The following PMS1 variants were observed in gnomAD, a reference collection of about 807,000 sequenced individuals.
The protein encoded by PMS1 is PMS1 homolog 1, mismatch repair system component, also known as PMS1 protein homolog 1.
In PMS1, 79 loss-of-function variants were observed where a neutral mutation model predicts 93.1. That is an observed-to-expected ratio of 0.85 (90% CI 0.71 to 1.02). PMS1 has a LOEUF of 1.02. PMS1 is among the 50% of genes least tolerant of loss of function. PMS1 has a pLI of 0.00. For missense variants in PMS1, 1,064 were observed against 1,085.3 expected, an observed-to-expected ratio of 0.98 and a Z score of 0.28; for synonymous variants, 335 against 363.4, an observed-to-expected ratio of 0.92 and a Z score of 0.89.
Position 189,804,797 on chromosome 2 carries a change from T to A in PMS1, c.316-855T>A, listed in dbSNP as rs5743011. 5.6e-3 allele frequency among the ~76,000 whole-genome samples: 849 copies of A among 152,254 alleles called. 23 individuals are homozygous for A. The highest frequency in any genetic ancestry group is 0.039 in the Admixed American group (589 of 15,284). ...TTCGTATAAAGATGGCCAAGAAAGA[T>A]TACTCCCAATTTTGGGTCATCATTG... On this transcript the variant is annotated intron_variant, in intron 3 of 12. Transcript: ENST00000441310.
intron 12 of PMS1, among the ~76,000 whole-genome samples, chr2:189,875,448 C>T (rs1253509863): frequency 1.3e-5 from 2 of 151,802 alleles, no homozygotes; most frequent in Non-Finnish European, 2.9e-5. Context: ...CAGTTGGGGT[C>T]GGAAAAACAT....
intron 3 of PMS1, among the ~76,000 whole-genome samples, chr2:189,799,734 G>T (rs1246930809): frequency 6.6e-6 from 1 of 152,206 alleles, no homozygotes; most frequent in Non-Finnish European, 1.5e-5. Context: ...TCACCCCTGA[G>T]TCTCCATCTG....
chr2:189,807,005 G>T lies in PMS1; in HGVS notation c.418+1251G>T, dbSNP rs547806480. ...AAGTACATTCTGTATATTTTCTGTG[G>T]TTTTTTTCCTTCAGTTTTAATATTA... On this transcript the variant is annotated intron_variant, in intron 4 of 12. Coordinates refer to ENST00000441310, the MANE Select transcript of PMS1 (RefSeq NM_000534.5). 15 of 191,576 alleles carry T rather than the reference G, an allele frequency of 7.8e-5. No homozygotes were observed. The East Asian group carries it at 9.9e-4, about 13-fold the overall frequency. The allele number at this position is 191,576 out of a possible 1,614,324, so 11.9% of individuals were successfully genotyped here. A position where few individuals can be genotyped will look rare whatever the true frequency, so the allele number is the denominator to read the frequency against.
At chr2:189,797,374 C>T (rs576340752) in intron 3 of PMS1, among the ~76,000 whole-genome samples, 1 of 152,352 alleles carries the variant, frequency 6.6e-6, no homozygotes, top group East Asian at 1.9e-4. Context: ...TACGCTGCCT[C>T]TGCCCCAGAT....
chr2:189,847,820 A>AT (rs1261602046), intron 6 of PMS1, among the ~76,000 whole-genome samples: 4 of 150,262 alleles, frequency 2.7e-5, no homozygotes, highest in Admixed American at 6.6e-5. Context: ...CTTCTCTTCC[A>AT]TTTTTTTTCA....
chr2:189,818,020 C>A lies in PMS1; in HGVS notation c.422C>A (p.Thr141Lys). Residue 141 changes from threonine (T) to lysine (K), a missense_variant, in exon 5 of 13, where the codon ACA becomes AAA. By Grantham distance (78) the Thr-to-Lys change is moderately conservative. Coordinates refer to ENST00000441310, the MANE Select transcript of PMS1 (RefSeq NM_000534.5). ...CTTTTCTCTTGTCTGCCAACAGGTA[C>A]AACTGTAACTGCTTTAAGATTATTT... ...SQKPSHLGQG[T>K]TVTALRLFKN... The A allele has an allele frequency of 6.2e-7, 1 of 1,606,982 alleles. No homozygotes were observed. The highest frequency in any genetic ancestry group is 1.1e-5 in the South Asian group (1 of 90,670).
rs2106462752 is a variant in PMS1 at position 189,854,719 on chromosome 2, G to A, written c.1447G>A (p.Glu483Lys). 1 of 1,613,944 alleles carries A rather than the reference G, an allele frequency of 6.2e-7. No individual in the cohort carries two copies. Among genetic ancestry groups the A allele is most frequent in the African/African-American group, 1.3e-5 (1 of 75,038 alleles). ...DHIDESGENE[E>K]EAGLENSSEI... ...TATAGATGAGAGTGGGGAAAATGAG[G>A]AAGAAGCAGGTCTTGAAAACTCTTC... Residue 483 changes from glutamate (E) to lysine (K), a missense_variant, in exon 9 of 13, where the codon GAA (glutamate) becomes AAA (lysine). Coordinates refer to ENST00000441310, the MANE Select transcript of PMS1 (RefSeq NM_000534.5).
intron 4 of PMS1, among the ~76,000 whole-genome samples, chr2:189,809,654 G>A (rs946501030): frequency 1.1e-4 from 17 of 151,782 alleles, no homozygotes; most frequent in African/African-American, 3.9e-4. Context: ...GACCTGCCTG[G>A]CCAACAAGGT....
At chr2:189,874,785 T>C (rs1021210471) in intron 12 of PMS1, among the ~76,000 whole-genome samples, 2 of 152,158 alleles carry the variant, frequency 1.3e-5, no homozygotes, top group African/African-American at 4.8e-5. Context: ...TCCCAGCCTA[T>C]TGTGCGGGTA....
At chr2:189,822,130 C>T (rs892602610) in intron 5 of PMS1, among the ~76,000 whole-genome samples, 1 of 152,154 alleles carries the variant, frequency 6.6e-6, no homozygotes, top group Non-Finnish European at 1.5e-5. Context: ...TGGCACGGGA[C>T]ATGTGGGCCG....
intron 3 of PMS1, among the ~76,000 whole-genome samples, chr2:189,797,517 T>C (rs2049466843): frequency 6.6e-6 from 1 of 152,230 alleles, no homozygotes; most frequent in Admixed American, 6.5e-5. Flanking sequence ...TGTTGGGCTC[T>C]TATTGTGTGA....
At chr2:189,829,914 A>G (rs969944962) in intron 5 of PMS1, among the ~76,000 whole-genome samples, 2 of 152,178 alleles carry the variant, frequency 1.3e-5, no homozygotes, top group African/African-American at 4.8e-5. Flanking sequence ...TAGTATCCTA[A>G]TGGACTCTCC....
In PMS1 at chr2:189,854,583, G is replaced by C. The variant is rs55726197; in HGVS notation, c.1311G>C (p.Gln437His). Residue 437 changes from glutamine to histidine, a missense_variant, in exon 9 of 13, where the codon CAG becomes CAC. Gln to His is a conservative substitution (Grantham distance 24). Coordinates refer to ENST00000441310, the MANE Select transcript of PMS1 (RefSeq NM_000534.5). ...ATAAAAACACTAAGAATGCATTTCA[G>C]GACATTTCAATGAGTAATGTATCAT... ...NIDKNTKNAFQDISMSNVSWE... is the reference protein window; with the variant it reads ...NIDKNTKNAFHDISMSNVSWE... 6.2e-7 allele frequency: 1 copy of C among 1,613,444 alleles called. No homozygotes were observed.
At chr2:189,836,289 C>G (rs1348124183) in intron 5 of PMS1, among the ~76,000 whole-genome samples, 1 of 152,146 alleles carries the variant, frequency 6.6e-6, no homozygotes, top group Non-Finnish European at 1.5e-5. Context: ...AGATGGTGTG[C>G]ATGTAATAAT....
Position 189,823,345 on chromosome 2 carries a change from CAT to C in PMS1, c.582+5166_582+5167del, listed in dbSNP as rs1325347886. Reference sequence around the variant, plus strand: ...TGTGCAAGTTTGTTACATATGTATACATGTGCCATGTTGGTGTGCTGCACCCA... The same window carrying C: ...TGTGCAAGTTTGTTACATATGTATACGTGCCATGTTGGTGTGCTGCACCCA... On this transcript the variant is annotated intron_variant, in intron 5 of 12. Coordinates refer to ENST00000441310, the MANE Select transcript of PMS1 (RefSeq NM_000534.5). Among the ~76,000 whole-genome samples, 7 of 152,072 alleles carry C rather than the reference CAT, an allele frequency of 4.6e-5. No homozygotes were observed. The South Asian group carries it at 1.5e-3, about 32-fold the overall frequency.
intron 6 of PMS1, among the ~76,000 whole-genome samples, chr2:189,852,207 C>T (rs540326440): frequency 1.3e-5 from 2 of 151,722 alleles, no homozygotes; most frequent in East Asian, 3.9e-4. Context: ...GTAAGATTGG[C>T]TTTATATAGC....
intron 5 of PMS1, among the ~76,000 whole-genome samples, chr2:189,827,483 G>A (rs1169003141): frequency 6.6e-6 from 1 of 152,170 alleles, no homozygotes; most frequent in Admixed American, 6.5e-5. Context: ...TTACTTAGAA[G>A]TTCTACTGAG....
chr2:189,798,763 T>G (rs2049596436), intron 3 of PMS1, among the ~76,000 whole-genome samples: 3 of 151,454 alleles, frequency 2.0e-5, no homozygotes, highest in African/African-American at 4.9e-5. Flanking sequence ...TTTGATTTTT[T>G]TTTTTTTTTT....
At chr2:189,828,906 A>G (rs1161655808) in intron 5 of PMS1, among the ~76,000 whole-genome samples, 1 of 148,146 alleles carries the variant, frequency 6.8e-6, no homozygotes, top group Non-Finnish European at 1.5e-5. Flanking sequence ...AAAAAAAAAG[A>G]GGACGTAGAA....
Sources: gnomAD v4.1 joint callset for allele counts (sites outside exome capture counted in the v4.1 genomes callset) on GRCh38, gnomAD v4.1.1 for gene constraint, MANE v1.5 for transcripts, NCBI Gene and HGNC (gene_info 2026-07-23, HGNC 2026-07-21) for gene names.